LRRC7: variants seen among roughly 807,000 people sequenced by gnomAD.
LRRC7 encodes leucine rich repeat containing 7.
LRRC7 carries 23 observed loss-of-function variants against 175.7 expected under a neutral mutation model. The ratio of observed to expected loss-of-function variants is 0.13; its 90% CI spans 0.09 to 0.19. The LOEUF is 0.19. LRRC7 is among the 10% of genes least tolerant of loss of function. The probability of loss-of-function intolerance (pLI) is 1.00; values close to 1 mark genes in which losing one functional copy is unlikely to be tolerated. For missense variants in LRRC7, 1,354 were observed against 1,904.7 expected, an observed-to-expected ratio of 0.71 and a Z score of 5.38; for synonymous variants, 685 against 680.9, an observed-to-expected ratio of 1.01 and a Z score of -0.09.
intron 16 of LRRC7, chr1:70,022,283 T>C (rs1370243016): frequency 6.6e-6 from 1 of 152,190 alleles, no homozygotes; most frequent in African/African-American, 2.4e-5. Flanking sequence ...TTCAGTTCTT[T>C]TACGGATTTT....
chr1:70,009,051 T>A (rs926920348), intron 11 of LRRC7, among the ~76,000 whole-genome samples: 1 of 152,190 alleles, frequency 6.6e-6, no homozygotes, highest in South Asian at 2.1e-4. Context: ...ATTGGAATTG[T>A]GCAAGGTGAC....
chr1:69,661,021 T>C (rs1657390786), intron 1 of LRRC7, among the ~76,000 whole-genome samples: 1 of 151,962 alleles, frequency 6.6e-6, no homozygotes, highest in African/African-American at 2.4e-5. Context: ...CAGTAGAAGA[T>C]AGCCAAAAAG....
At chr1:70,020,324 TA>T (rs1051102269) in intron 15 of LRRC7, among the ~76,000 whole-genome samples, 3 of 151,898 alleles carry the variant, frequency 2.0e-5, no homozygotes, top group South Asian at 2.1e-4. Flanking sequence ...ACATTTTATG[TA>T]AAAAAAAGAT....
chr1:69,667,987 T>C (rs1486552056), intron 1 of LRRC7, among the ~76,000 whole-genome samples: 1 of 152,288 alleles, frequency 6.6e-6, no homozygotes, highest in East Asian at 1.9e-4. Flanking sequence ...ATGTTTTTTT[T>C]TATTTGAGGT....
chr1:69,912,430 T>C (rs1646560101), intron 7 of LRRC7, among the ~76,000 whole-genome samples: 2 of 152,192 alleles, frequency 1.3e-5, no homozygotes, highest in Non-Finnish European at 2.9e-5. Context: ...GCATATAATA[T>C]AGGTTGCAAT....
At chr1:69,659,189 A>G (rs945880514) in intron 1 of LRRC7, among the ~76,000 whole-genome samples, 2 of 152,042 alleles carry the variant, frequency 1.3e-5, no homozygotes, top group Non-Finnish European at 2.9e-5. Flanking sequence ...CACCAGAGAC[A>G]AGAAAACTTA....
chr1:70,100,007 A>G (rs1166777234), intron 25 of LRRC7, among the ~76,000 whole-genome samples: 1 of 152,160 alleles, frequency 6.6e-6, no homozygotes, highest in Non-Finnish European at 1.5e-5. Flanking sequence ...AGAACATATG[A>G]CAAGCAAGTA....
At chr1:69,847,745 A>T (rs567897339) in intron 7 of LRRC7, among the ~76,000 whole-genome samples, 1 of 152,010 alleles carries the variant, frequency 6.6e-6, no homozygotes, top group Admixed American at 6.6e-5. Flanking sequence ...TTTCTTAATA[A>T]CGCTTGCCTG....
chr1:69,616,236 A>G (rs895264182), intron 1 of LRRC7, among the ~76,000 whole-genome samples: 2 of 152,168 alleles, frequency 1.3e-5, no homozygotes, highest in South Asian at 2.1e-4. Flanking sequence ...ACGTCTGGGA[A>G]GTTAATTTTT....
intron 3 of LRRC7, among the ~76,000 whole-genome samples, chr1:69,787,892 G>A (rs1243739069): frequency 6.6e-6 from 1 of 152,026 alleles, no homozygotes; most frequent in African/African-American, 2.4e-5. Flanking sequence ...GACACAGCCA[G>A]ACTATATCAC....
rs115478605 is a variant in LRRC7 at position 69,749,081 on chromosome 1, C to A, written c.101-11110C>A. Among the ~76,000 whole-genome samples the A allele has an allele frequency of 8.6e-3, 1,304 of 152,194 alleles. 23 individuals carry two copies. Among genetic ancestry groups the A allele is most frequent in the Middle Eastern group, 0.041 (12 of 294 alleles). ...GTCTCTGAACTTTGGCTAATTTTAA[C>A]CTGATGTTGTAATTTTCTTTCTACT... is the stretch of plus-strand genomic sequence containing the variant. On this transcript the variant is annotated intron_variant, in intron 2 of 26. Coordinates refer to ENST00000651989, the MANE Select transcript of LRRC7 (RefSeq NM_001370785.2).
At chr1:69,821,843 T>A (rs141025606) in intron 4 of LRRC7, among the ~76,000 whole-genome samples, 3,096 of 152,072 alleles carry the variant, frequency 0.02, 103 homozygotes, top group African/African-American at 0.071. Flanking sequence ...TGCAGTGAGC[T>A]GAGATTGTGC....
chr1:69,617,403 T>A (rs1649803333), intron 1 of LRRC7, among the ~76,000 whole-genome samples: 1 of 151,918 alleles, frequency 6.6e-6, no homozygotes, highest in South Asian at 2.1e-4. Context: ...GCACTAGTAG[T>A]TTCACAATCA....
chr1:69,869,364 T>G (rs935874244), intron 7 of LRRC7, among the ~76,000 whole-genome samples: 4 of 152,050 alleles, frequency 2.6e-5, no homozygotes, highest in Non-Finnish European at 5.9e-5. Context: ...GTCTCTGGAT[T>G]TCTGATGTGA....
chr1:69,779,544 C>T (rs929010160), intron 3 of LRRC7, among the ~76,000 whole-genome samples: 2 of 152,152 alleles, frequency 1.3e-5, no homozygotes, highest in Admixed American at 6.6e-5. Flanking sequence ...TTCAAAGCAA[C>T]AGCTGTTATT....
At chr1:69,776,149 G>A (rs955562430) in intron 3 of LRRC7, among the ~76,000 whole-genome samples, 1 of 152,098 alleles carries the variant, frequency 6.6e-6, no homozygotes, top group African/African-American at 2.4e-5. Context: ...ATGTAAACTG[G>A]AGAATATAGC....
intron 3 of LRRC7, among the ~76,000 whole-genome samples, chr1:69,785,773 A>G (rs1472994166): frequency 6.6e-6 from 1 of 152,118 alleles, no homozygotes; most frequent in Non-Finnish European, 1.5e-5. Flanking sequence ...CAATGAAAAA[A>G]TCTGAAAATG....
chr1:69,910,727 C>A (rs1357919806), intron 7 of LRRC7, among the ~76,000 whole-genome samples: 2 of 152,234 alleles, frequency 1.3e-5, no homozygotes, highest in African/African-American at 4.8e-5. Flanking sequence ...CTCTTCAAAG[C>A]TGTCAGACAG....
chr1:70,054,304 C>G (rs1243010373), intron 23 of LRRC7, among the ~76,000 whole-genome samples: 1 of 152,032 alleles, frequency 6.6e-6, no homozygotes, highest in African/African-American at 2.4e-5. Flanking sequence ...TGTGTATTAA[C>G]TTTAGAAACA....
Sources: allele counts gnomAD v4.1 joint callset (sites outside exome capture counted in the v4.1 genomes callset), GRCh38; gene constraint gnomAD v4.1.1; transcripts MANE v1.5; gene names NCBI Gene and HGNC (gene_info 2026-07-23, HGNC 2026-07-21).